Variants in CDAN1 observed in about 807,000 individuals in gnomAD.
CDAN1 encodes codanin 1.
A neutral mutation model predicts 139.8 loss-of-function variants in CDAN1; 107 were observed. The observed-to-expected ratio is 0.77, with a 90% CI of 0.65 to 0.90. CDAN1 has a LOEUF of 0.90. Ranked by LOEUF, CDAN1 falls within the 40% of genes least tolerant of loss-of-function variation. The pLI, the probability that CDAN1 is intolerant of heterozygous loss-of-function variation, is 0.00. For synonymous variants in CDAN1, 776 were observed against 660.6 expected, an observed-to-expected ratio of 1.17 and a Z score of -2.68; for missense variants, 1,667 against 1,575.7, an observed-to-expected ratio of 1.06 and a Z score of -0.98.
In CDAN1 at chr15:42,724,469, A is replaced by G. The variant is rs2061496510; in HGVS notation, c.*22T>C. The G allele has an allele frequency of 1.3e-6, 2 of 1,573,514 alleles. No individual in the cohort carries two copies. The highest frequency in any genetic ancestry group is 2.3e-5 in the East Asian group (1 of 42,846). On this transcript the variant is annotated 3_prime_UTR_variant, in exon 28 of 28. Coordinates refer to ENST00000356231, the MANE Select transcript of CDAN1 (RefSeq NM_138477.4). Reference sequence around the variant, plus strand: ...GGTCCAGGGTTCTGGTGCAATGCCCAAGGCAGGGCCACTTCTCAGCCCTAG... The same window carrying G: ...GGTCCAGGGTTCTGGTGCAATGCCCGAGGCAGGGCCACTTCTCAGCCCTAG...
intron 13 of CDAN1, 38 bp downstream of exon 13, chr15:42,730,887 C>T (rs372174979): frequency 5.1e-5 from 82 of 1,613,954 alleles, no homozygotes; most frequent in Non-Finnish European, 6.4e-5. Flanking sequence ...GGCCGGTCCT[C>T]CCTGCTCCCT....
Position 42,727,701 on chromosome 15 carries a change from C to G in CDAN1, c.3016G>C (p.Ala1006Pro). Residue 1006 changes from alanine to proline, a missense_variant, in exon 23 of 28, where the codon GCC becomes CCC. This residue lies in a region of CDAN1 where 936 missense variants were observed against 844.1 expected (regional missense o/e 1.11). Transcript: ENST00000356231. ...GAGCAGCCCCTCCGCTCCCCCCGGGCAGCAGGTTCAGGACCCTGGGCTCGA... is the reference window on the plus strand; with the variant it reads ...GAGCAGCCCCTCCGCTCCCCCCGGGGAGCAGGTTCAGGACCCTGGGCTCGA... ...TLRAQGPEPA[A>P]RGERRGCSRA... is the part of the protein sequence containing the mutation. 1 of 1,584,120 alleles carries G rather than the reference C, an allele frequency of 6.3e-7. No homozygotes were observed. The highest frequency in any genetic ancestry group is 8.6e-7 in the Non-Finnish European group (1 of 1,160,858).
chr15:42,728,009 CAATGT>C lies in CDAN1; in HGVS notation c.2888_2892del (p.Asn963SerfsTer39). 6.2e-7 allele frequency: 1 copy of C among 1,614,176 alleles called. No individual in the cohort carries two copies. Among genetic ancestry groups the C allele is most frequent in the East Asian group, 2.2e-5 (1 of 44,888 alleles). ...GCTTTCTCTGTTGCAAGCCCCACAG[CAATGT>C]TCTCTGCACTGCTCAGAACCTGCGA... On this transcript the variant is annotated frameshift_variant, in exon 22 of 28. Transcript: ENST00000356231. LOFTEE classifies it high-confidence loss of function.
chr15:42,728,419 A>AAAGAC (rs1476424913), intron 20 of CDAN1, 152 bp from the exon 21 acceptor site: 6 of 952,636 alleles, frequency 6.3e-6, no homozygotes, highest in African/African-American at 1.6e-5. Flanking sequence ...GTGCCAGAGA[A>AAAGAC]AAGACAAGCC....
rs776319103 is a variant in CDAN1 at position 42,737,106 on chromosome 15, G to C, written c.-4C>G. The C allele has an allele frequency of 1.5e-5, 22 of 1,510,616 alleles. No homozygotes were observed. The highest frequency in any genetic ancestry group is 1.7e-4 in the Middle Eastern group (1 of 5,774). The allele number at this position is 1,510,616 out of a possible 1,614,324, so 93.6% of individuals were successfully genotyped here. A position where few individuals can be genotyped will look rare whatever the true frequency, so the allele number is the denominator to read the frequency against. On this transcript the variant is annotated 5_prime_UTR_variant, in exon 1 of 28. Coordinates refer to ENST00000356231, the MANE Select transcript of CDAN1 (RefSeq NM_138477.4). ...GCGACTCCAAAACGGCCGCCATCCCGGTCGGGGCGCTCTGGGGCGACTGCG... is the reference window on the plus strand; with the variant it reads ...GCGACTCCAAAACGGCCGCCATCCCCGTCGGGGCGCTCTGGGGCGACTGCG...
At position 42,736,688 on chromosome 15, in the gene CDAN1, G is replaced by T; in HGVS notation, c.183C>A (p.Ser61Arg). ...GGGGCCCCTGCGGGAGGACGCGGCT[G>T]CTCTGCTCCCTCAGGAAGTTCAACA... ...PFLLNFLREQ[S>R]SRVLPQGPPT... Residue 61 changes from serine (S) to arginine (R), a missense_variant, in exon 2 of 28, where the codon AGC (serine) becomes AGA (arginine). Physicochemically the swap from Ser to Arg is moderately radical, Grantham distance 110 (BLOSUM62 -1). Around this residue, in one of 3 missense-constraint regions of CDAN1, gnomAD observed 487 missense variants for 422.2 expected, o/e 1.15. Coordinates refer to ENST00000356231, the MANE Select transcript of CDAN1 (RefSeq NM_138477.4). 1.3e-6 allele frequency: 2 copies of T among 1,551,938 alleles called. No individual in the cohort carries two copies. The highest frequency in any genetic ancestry group is 8.7e-7 in the Non-Finnish European group (1 of 1,151,834).
In CDAN1 at chr15:42,737,040, C is replaced by A; in HGVS notation, c.63G>T (p.Trp21Cys). 6.5e-7 allele frequency: 1 copy of A among 1,549,974 alleles called. No individual in the cohort carries two copies. ...EEVSVAAVVR[W>C]IARSTQGSED... The stretch of plus-strand genomic sequence containing the variant: ...CCGAACCCTGGGTGCTGCGCGCGAT[C>A]CACCGCACGACGGCTGCGACCGACA... The change falls in exon 1 of 28, where the codon TGG becomes TGT. Residue 21 changes from tryptophan (W) to cysteine (C), a missense_variant. Physicochemically the swap from Trp to Cys is radical, Grantham distance 215. Transcript: ENST00000356231.
intron 6 of CDAN1, among the ~76,000 whole-genome samples, chr15:42,734,734 C>T (rs2140503528): frequency 6.6e-6 from 1 of 151,888 alleles, no homozygotes; most frequent in Non-Finnish European, 1.5e-5. Context: ...TCCACCTCAG[C>T]CTCCTAAGTA....
In CDAN1 at chr15:42,735,588, C is replaced by A; in HGVS notation, c.865G>T (p.Glu289Ter). The A allele has an allele frequency of 6.2e-7, 1 of 1,614,240 alleles. No individual in the cohort carries two copies. Among genetic ancestry groups the A allele is most frequent in the Non-Finnish European group, 8.5e-7 (1 of 1,180,044 alleles). ...GACACTCTGGCAGGGTCTGCAGGTT[C>A]ATCTGTGAGGCTTCCTGTCCGGCTG... ...LPSRTGSLTD[E>*]PADPARVSSR... Residue 289 changes from glutamate to a stop codon, truncating the protein, a stop_gained, in exon 4 of 28, where the codon GAA becomes TAA. Transcript: ENST00000356231. LOFTEE classifies it high-confidence loss of function.
rs538502582 is a variant in CDAN1 at position 42,735,198 on chromosome 15, C to T, written c.1058-20G>A. 1 of 1,609,546 alleles carries T rather than the reference C, an allele frequency of 6.2e-7. No individual in the cohort carries two copies. The highest frequency in any genetic ancestry group is 8.5e-7 in the Non-Finnish European group (1 of 1,176,018). ...GGGAATCTAGAAGGACAGTACCAAG[C>T]TGTCAGTTAAGAACGGTCCCGTTTC... On this transcript the variant is annotated intron_variant, in intron 5 of 27. Coordinates refer to ENST00000356231, the MANE Select transcript of CDAN1 (RefSeq NM_138477.4).
chr15:42,725,607 C>G lies in CDAN1; in HGVS notation c.3332G>C (p.Arg1111Pro), dbSNP rs746582832. The G allele has an allele frequency of 3.7e-6, 6 of 1,614,118 alleles. No individual in the cohort carries two copies. Among genetic ancestry groups the G allele is most frequent in the South Asian group, 2.2e-5 (2 of 91,082 alleles). ...GGAAAGCAGCATGTGCAGAAGCCTT[C>G]GAGCCTGCCCTCTCTCCAGCCTGTA... ...AQYRLERGQA[R>P]RLLHMLLSLW... The change falls in exon 26 of 28, where the codon CGA becomes CCA. Residue 1111 changes from arginine to proline, a missense_variant. By Grantham distance (103) the Arg-to-Pro change is moderately radical (BLOSUM62 -2). Transcript: ENST00000356231.
rs375343604 is a variant in CDAN1 at position 42,728,796 on chromosome 15, G to A, written c.2660C>T (p.Ala887Val). 3.1e-5 allele frequency: 50 copies of A among 1,614,054 alleles called. No homozygotes were observed. Among genetic ancestry groups the A allele is most frequent in the Non-Finnish European group, 4.2e-5 (50 of 1,180,034 alleles). Reference sequence around the variant, plus strand: ...TGACTCTGCCTGGCGCACCAGATCTGCCACCAGTGTAGCCCTGCAGCAGGG... The same window carrying A: ...TGACTCTGCCTGGCGCACCAGATCTACCACCAGTGTAGCCCTGCAGCAGGG... Reference protein sequence around the residue: ...CVKHIKATLVADLVRQAESLL... With the variant: ...CVKHIKATLVVDLVRQAESLL... The change falls in exon 20 of 28, where the codon GCA becomes GTA. Residue 887 changes from alanine (A) to valine (V), a missense_variant. Physicochemically the swap from Ala to Val is moderately conservative, Grantham distance 64. Coordinates refer to ENST00000356231, the MANE Select transcript of CDAN1 (RefSeq NM_138477.4).
chr15:42,736,823 C>T (rs1461532700), intron 1 of CDAN1, 43 bp from the exon 2 acceptor site: 4 of 1,480,444 alleles, frequency 2.7e-6, no homozygotes, highest in Non-Finnish European at 3.6e-6. Context: ...GGTCAGCCGC[C>T]GGCCCGCGGG....
Position 42,731,031 on chromosome 15 carries a change from CTCAGG to C in CDAN1, c.1896_1900del (p.Ser632ArgfsTer5). The C allele has an allele frequency of 6.2e-7, 1 of 1,614,216 alleles. No individual in the cohort carries two copies. The highest frequency in any genetic ancestry group is 8.5e-7 in the Non-Finnish European group (1 of 1,180,038). The stretch of plus-strand genomic sequence containing the variant: ...AAAGCCCAGGAATTTAGCCAAAAGT[CTCAGG>C]CTAAGAAGCACCACAGCAAATTGCT... On this transcript the variant is annotated frameshift_variant, in exon 13 of 28. Coordinates refer to ENST00000356231, the MANE Select transcript of CDAN1 (RefSeq NM_138477.4). LOFTEE classifies it high-confidence loss of function.
rs201401533 is a variant in CDAN1 at position 42,729,129 on chromosome 15, G to T, written c.2542-3C>A. The T allele has an allele frequency of 5.5e-5, 88 of 1,613,760 alleles. No homozygotes were observed. The highest frequency in any genetic ancestry group is 7.1e-5 in the Non-Finnish European group (84 of 1,179,804). ...AAAAAGGCCTGGGCGAGCTGTGCCT[G>T]GGGGGAGGAGGGAGAGGCAGCAAGG... On this transcript the variant is annotated splice_polypyrimidine_tract_variant and splice_region_variant and intron_variant, in intron 18 of 27. Transcript: ENST00000356231.
At chr15:42,728,529 C>G (rs1024200094) in intron 20 of CDAN1, 123 bp downstream of exon 20, 1 of 1,384,434 alleles carries the variant, frequency 7.2e-7, no homozygotes, top group Non-Finnish European at 1.0e-6. Flanking sequence ...AGAGAATGGG[C>G]GCAGGGAGAA....
intron 15 of CDAN1, 64 bp from the exon 16 acceptor site, chr15:42,729,949 G>A (rs1055692809): frequency 1.0e-4 from 92 of 909,086 alleles, no homozygotes; most frequent in Admixed American, 1.6e-4. Context: ...CCCACCTCCT[G>A]CACGGTCCCA....
chr15:42,733,039 G>T (rs763055681), intron 9 of CDAN1, 58 bp downstream of exon 9: 96 of 1,469,106 alleles, frequency 6.5e-5, no homozygotes, highest in Non-Finnish European at 8.2e-5. Flanking sequence ...TCCTGCCACC[G>T]AGCAAGCACT....
At chr15:42,734,810 G>T in intron 6 of CDAN1, among the ~76,000 whole-genome samples, 1 of 146,960 alleles carries the variant, frequency 6.8e-6, no homozygotes, top group South Asian at 2.2e-4. Flanking sequence ...GTGGAGATGG[G>T]ATTTTGTCAT....
Sources: allele counts gnomAD v4.1 joint callset (sites outside exome capture counted in the v4.1 genomes callset), GRCh38; gene constraint gnomAD v4.1.1; regional missense constraint gnomAD v4.1.1; transcripts MANE v1.5; gene names NCBI Gene and HGNC (gene_info 2026-07-23, HGNC 2026-07-21).